The following BCL7C variants were observed in gnomAD, a reference collection of about 807,000 sequenced individuals.
BCL7C encodes B-cell CLL/lymphoma 7 protein family member C.
Under a neutral mutation model 26.2 loss-of-function variants are expected in BCL7C, and 8 were observed. The observed-to-expected ratio is 0.30, with a 90% confidence interval of 0.18 to 0.55. The LOEUF (loss-of-function observed/expected upper bound fraction) is 0.55, where lower values mean the gene tolerates loss of function less well. Among genes scored for constraint, BCL7C ranks in the 20% least tolerant of loss-of-function variants. BCL7C has a pLI of 0.93. For missense variants in BCL7C, 262 were observed against 298.5 expected (o/e 0.88, Z 0.90); for synonymous variants, 90 against 116.5 (o/e 0.77, Z 1.47).
At chr16:30,871,935 G>A (rs1299933448) in intron 5 of BCL7C, among the ~76,000 whole-genome samples, 2 of 152,300 alleles carry the variant, frequency 1.3e-5, no homozygotes, top group African/African-American at 4.8e-5. Context: ...GAATTGCACA[G>A]CTGTGAGAGA....
At chr16:30,877,900 C>T (rs896360745) in intron 5 of BCL7C, among the ~76,000 whole-genome samples, 1 of 151,368 alleles carries the variant, frequency 6.6e-6, no homozygotes, top group African/African-American at 2.4e-5. Flanking sequence ...CTTGGCCGGG[C>T]GCAGTGGCTG....
chr16:30,834,635 G>T lies in BCL7C; in HGVS notation c.*313C>A. Reference sequence around the variant, plus strand: ...GGCACACTCAGACCGCTGGGAGGGTGGCCGCATGGGTGCGTGAGGAGGTGG... The same window carrying T: ...GGCACACTCAGACCGCTGGGAGGGTTGCCGCATGGGTGCGTGAGGAGGTGG... On this transcript the variant is annotated 3_prime_UTR_variant, in exon 6 of 6. Coordinates refer to the BCL7C transcript ENST00000380317. The surrounding 1 kb of genome is among the most constrained non-coding windows in gnomAD (Gnocchi z 4.3). 1 of 216,376 alleles carries T rather than the reference G, an allele frequency of 4.6e-6. No individual in the cohort carries two copies. Among genetic ancestry groups the T allele is most frequent in the Non-Finnish European group, 9.1e-6 (1 of 109,414 alleles). The allele number at this position is 216,376 out of a possible 1,614,324, so 13.4% of individuals were successfully genotyped here. A position where few individuals can be genotyped will look rare whatever the true frequency, so the allele number is the denominator to read the frequency against.
intron 5 of BCL7C, chr16:30,835,283 G>C (rs2054562584): frequency 1.0e-5 from 8 of 781,472 alleles, no homozygotes; most frequent in Non-Finnish European, 1.5e-5. Context: ...ATTAAGCTGG[G>C]TATTTTTGAG....
intron 5 of BCL7C, among the ~76,000 whole-genome samples, chr16:30,844,305 G>A (rs1160831831): frequency 8.0e-6 from 1 of 124,440 alleles, no homozygotes; most frequent in Non-Finnish European, 1.6e-5. Context: ...AGCCCAGATG[G>A]CACCAATGCA....
chr16:30,855,833 G>C (rs1460533111), intron 5 of BCL7C, among the ~76,000 whole-genome samples: 7 of 151,802 alleles, frequency 4.6e-5, no homozygotes, highest in Non-Finnish European at 1.0e-4. Context: ...GGCTGAGGCA[G>C]GTGGATCACC....
chr16:30,869,621 C>T (rs2085276537), intron 5 of BCL7C, among the ~76,000 whole-genome samples: 1 of 152,018 alleles, frequency 6.6e-6, no homozygotes, highest in Non-Finnish European at 1.5e-5. Context: ...AAGGCATCCT[C>T]CTGCCTTCGC....
chr16:30,884,074 A>G (rs1174555330), downstream of BCL7C, among the ~76,000 whole-genome samples: 9 of 150,786 alleles, frequency 6.0e-5, no homozygotes, highest in Admixed American at 4.0e-4. Flanking sequence ...GCAGTGAGCC[A>G]AGATCACGTC....
chr16:30,886,005 G>A (rs941762632), downstream of BCL7C, among the ~76,000 whole-genome samples: 2 of 152,024 alleles, frequency 1.3e-5, no homozygotes, highest in East Asian at 3.9e-4. Flanking sequence ...GCGCGCACCA[G>A]TATGCCTGGC....
chr16:30,890,945 A>G (rs572822911), intron 4 of BCL7C, among the ~76,000 whole-genome samples: 18 of 152,040 alleles, frequency 1.2e-4, no homozygotes, highest in African/African-American at 4.1e-4. Flanking sequence ...AGATTGTGCC[A>G]TTGCACTCTA....
At chr16:30,859,629 C>A (rs191968416) in intron 5 of BCL7C, among the ~76,000 whole-genome samples, 5 of 152,156 alleles carry the variant, frequency 3.3e-5, no homozygotes, top group East Asian at 1.9e-4. Flanking sequence ...TATTCTCCCC[C>A]CTCCCCACCT....
intron 5 of BCL7C, among the ~76,000 whole-genome samples, chr16:30,852,547 A>G (rs1303451749): frequency 4.2e-5 from 6 of 143,590 alleles, no homozygotes; most frequent in Admixed American, 1.5e-4. Flanking sequence ...GTTGGAGTGC[A>G]GTATTGTGAT....
intron 5 of BCL7C, among the ~76,000 whole-genome samples, chr16:30,871,765 G>A (rs540617183): frequency 6.6e-6 from 1 of 152,276 alleles, no homozygotes; most frequent in South Asian, 2.1e-4. Context: ...GATTACAGGT[G>A]TGAGCCATCG....
In BCL7C at chr16:30,888,956, A is replaced by G; in HGVS notation, c.443-11T>C. On this transcript the variant is annotated splice_polypyrimidine_tract_variant and intron_variant, in intron 4 of 5. Transcript: ENST00000215115. ...TTATGCCCCCGGGATCTGGAACGTC[A>G]AGGTAACAAACATCCCCTGAACAGC... 6.2e-7 allele frequency: 1 copy of G among 1,613,480 alleles called. No individual in the cohort carries two copies. Among genetic ancestry groups the G allele is most frequent in the South Asian group, 1.1e-5 (1 of 91,082 alleles).
chr16:30,893,363 G>A lies in BCL7C; in HGVS notation c.93-73C>T. ...ACCCCCCTAGGAGCTGGACACATCT[G>A]GGGGTACCTGCAGAGGTTGAGGAGG... On this transcript the variant is annotated intron_variant, in intron 1 of 5. Transcript: ENST00000215115. This position sits in a 1 kb window ranked among gnomAD's most constrained non-coding sequence, Gnocchi z 5.2. The A allele has an allele frequency of 1.6e-6, 2 of 1,231,162 alleles. No homozygotes were observed. The highest frequency in any genetic ancestry group is 1.2e-6 in the Non-Finnish European group (1 of 862,736). 76.3% of individuals were successfully genotyped at this position (1,231,162 alleles called of 1,614,324 possible).
At chr16:30,851,807 A>T (rs1012513356) in intron 5 of BCL7C, 1 of 303,118 alleles carries the variant, frequency 3.3e-6, no homozygotes, top group African/African-American at 2.2e-5. Context: ...TTCTCAGTAC[A>T]GCCACAGAGC....
At chr16:30,886,927 C>G (rs1315606729), downstream of BCL7C, among the ~76,000 whole-genome samples, 2 of 152,210 alleles carry the variant, frequency 1.3e-5, no homozygotes, top group East Asian at 1.9e-4. Context: ...AATCCCAACA[C>G]TTTAGGAGGC....
At position 30,837,374 on chromosome 16, in the gene BCL7C, A is replaced by T. The variant is rs12598413; in HGVS notation, c.529-2226T>A. Among the ~76,000 whole-genome samples, 224 of 151,870 alleles carry T rather than the reference A, an allele frequency of 1.5e-3. 6 individuals carry two copies. In the East Asian group the frequency reaches 0.039, roughly 27 times the overall value. On this transcript the variant is annotated intron_variant, in intron 5 of 5. Transcript: ENST00000380317. ...CAAAGGTGATAATAATTTTTTTTTG[A>T]GGCGGAGTTTTGCTCTTGTTGCCCA...
At chr16:30,884,899 G>A (rs1023208011), downstream of BCL7C, among the ~76,000 whole-genome samples, 10 of 152,168 alleles carry the variant, frequency 6.6e-5, no homozygotes, top group Admixed American at 1.3e-4. Flanking sequence ...ATTCAAACCC[G>A]GAACCTGAAT....
At chr16:30,885,634 C>G (rs1385788069), downstream of BCL7C, among the ~76,000 whole-genome samples, 4 of 152,108 alleles carry the variant, frequency 2.6e-5, no homozygotes, top group Non-Finnish European at 5.9e-5. Context: ...ACACTCCTGA[C>G]CTCAGGTGAT....
Sources: gnomAD v4.1 joint callset for allele counts (sites outside exome capture counted in the v4.1 genomes callset) on GRCh38, gnomAD v4.1.1 for gene constraint, Gnocchi (gnomAD v3.1) non-coding constraint, MANE v1.5 for transcripts, NCBI Gene and HGNC (gene_info 2026-07-23, HGNC 2026-07-21) for gene names.